PIK3C2G: variants seen among roughly 807,000 people sequenced by gnomAD.
PIK3C2G encodes the protein phosphatidylinositol 3-kinase C2 domain-containing subunit gamma.
Under a neutral mutation model 181.1 loss-of-function variants are expected in PIK3C2G, and 168 were observed. The ratio of observed to expected loss-of-function variants is 0.93; its 90% CI spans 0.82 to 1.05. PIK3C2G has a LOEUF of 1.05. PIK3C2G is among the 50% of genes least tolerant of loss of function. The pLI, the probability that PIK3C2G is intolerant of heterozygous loss-of-function variation, is 0.00. For missense variants in PIK3C2G, 1,869 were observed against 1,732.8 expected (o/e 1.08, Z -1.40); for synonymous variants, 573 against 592.2 (o/e 0.97, Z 0.47).
intron 25 of PIK3C2G, among the ~76,000 whole-genome samples, chr12:18,540,938 G>C (rs1188400937): frequency 6.6e-6 from 1 of 151,840 alleles, no homozygotes; most frequent in East Asian, 1.9e-4. Flanking sequence ...TGGGACTGTA[G>C]ATCATCAAAG....
chr12:18,597,970 T>C (rs530118792), intron 30 of PIK3C2G, among the ~76,000 whole-genome samples: 1 of 152,082 alleles, frequency 6.6e-6, no homozygotes. Context: ...CAAGGAGAAC[T>C]ACAAACCACT....
chr12:18,372,698 CTACT>C (rs1375791670), intron 13 of PIK3C2G: 1 of 152,210 alleles, frequency 6.6e-6, no homozygotes, highest in Non-Finnish European at 1.5e-5. Flanking sequence ...ATGTAACACA[CTACT>C]TGCACATATC....
intron 31 of PIK3C2G, among the ~76,000 whole-genome samples, chr12:18,638,318 G>A (rs1342136046): frequency 2.6e-5 from 4 of 152,314 alleles, no homozygotes; most frequent in South Asian, 4.1e-4. Context: ...CCTCTCAGAG[G>A]TTGGAGGTGA....
intron 13 of PIK3C2G, among the ~76,000 whole-genome samples, chr12:18,373,372 A>T (rs1942209147): frequency 6.6e-6 from 1 of 152,164 alleles, no homozygotes; most frequent in African/African-American, 2.4e-5. Flanking sequence ...TTTCCAACAC[A>T]TATATCAACT....
chr12:18,375,609 C>A (rs915978760), intron 13 of PIK3C2G, among the ~76,000 whole-genome samples: 3 of 152,204 alleles, frequency 2.0e-5, no homozygotes, highest in African/African-American at 7.2e-5. Context: ...GGACTTGGAG[C>A]AACCACTTCT....
At chr12:18,627,270 AG>A in intron 31 of PIK3C2G, among the ~76,000 whole-genome samples, 1 of 152,036 alleles carries the variant, frequency 6.6e-6, no homozygotes, top group South Asian at 2.1e-4. Context: ...ATTTTGTTCA[AG>A]TACTGTTTTC....
chr12:18,634,691 C>G (rs1447033480), intron 31 of PIK3C2G, among the ~76,000 whole-genome samples: 1 of 152,130 alleles, frequency 6.6e-6, no homozygotes, highest in Non-Finnish European at 1.5e-5. Flanking sequence ...TCAGGCAAAA[C>G]CTCCACCCCT....
At chr12:18,549,629 A>G (rs1944620357) in intron 26 of PIK3C2G, among the ~76,000 whole-genome samples, 1 of 152,070 alleles carries the variant, frequency 6.6e-6, no homozygotes, top group African/African-American at 2.4e-5. Flanking sequence ...TTCAGACCAC[A>G]GTCTTCTCAA....
At chr12:18,609,167 T>A (rs1948209461) in intron 30 of PIK3C2G, among the ~76,000 whole-genome samples, 1 of 152,116 alleles carries the variant, frequency 6.6e-6, no homozygotes, top group African/African-American at 2.4e-5. Context: ...CCAGGTTCAC[T>A]GATTTCTAAA....
chr12:18,282,163 A>C lies in PIK3C2G; in HGVS notation c.82A>C (p.Asn28His). 2 of 1,611,428 alleles carry C rather than the reference A, an allele frequency of 1.2e-6. No homozygotes were observed. Among genetic ancestry groups the C allele is most frequent in the Non-Finnish European group, 1.7e-6 (2 of 1,178,342 alleles). Residue 28 changes from asparagine to histidine, a missense_variant, in exon 2 of 33, where the codon AAT (asparagine) becomes CAT (histidine). Physicochemically the swap from Asn to His is moderately conservative, Grantham distance 68. Transcript: ENST00000538779. ...QYEHQEFLFV[N>H]QPHSSSQVSL... ...TGAACACCAAGAATTTCTCTTTGTAAATCAACCCCATTCTTCTAGCCAAGT... is the reference window on the plus strand; with the variant it reads ...TGAACACCAAGAATTTCTCTTTGTACATCAACCCCATTCTTCTAGCCAAGT...
At chr12:18,419,215 T>C (rs1945341040) in intron 16 of PIK3C2G, among the ~76,000 whole-genome samples, 1 of 152,158 alleles carries the variant, frequency 6.6e-6, no homozygotes, top group Admixed American at 6.6e-5. Flanking sequence ...TAGTTAAAGA[T>C]ATAGCATTCA....
At chr12:18,562,409 G>A (rs1025991895) in intron 26 of PIK3C2G, among the ~76,000 whole-genome samples, 1 of 152,206 alleles carries the variant, frequency 6.6e-6, no homozygotes, top group Non-Finnish European at 1.5e-5. Flanking sequence ...TGGGATTACA[G>A]GCGTGAGCCA....
chr12:18,713,926 T>A, the PIK3C2G span: 2 of 152,336 alleles, frequency 1.3e-5, no homozygotes, highest in African/African-American at 2.4e-5. Flanking sequence ...TCAGTGTTCA[T>A]ACTACAAGAG....
intron 8 of PIK3C2G, among the ~76,000 whole-genome samples, chr12:18,330,434 C>A (rs1937812190): frequency 6.6e-6 from 1 of 152,108 alleles, no homozygotes; most frequent in Admixed American, 6.6e-5. Context: ...TCTTGTGGTT[C>A]TGCATCCTCA....
chr12:18,296,473 G>A (rs1949947680), intron 5 of PIK3C2G, among the ~76,000 whole-genome samples: 1 of 151,954 alleles, frequency 6.6e-6, no homozygotes, highest in Non-Finnish European at 1.5e-5. Context: ...TAAGAACTTA[G>A]ACTCTCCAAA....
the PIK3C2G span, chr12:18,694,807 T>C: frequency 1.0e-6 from 1 of 957,812 alleles, no homozygotes; most frequent in South Asian, 1.7e-5. Context: ...TTAACAGAAA[T>C]TTAAAAGAAA....
At chr12:18,672,516 G>C in the PIK3C2G span, among the ~76,000 whole-genome samples, 1 of 152,036 alleles carries the variant, frequency 6.6e-6, no homozygotes, top group Admixed American at 6.6e-5. Context: ...AATTTGTGTT[G>C]TTTAATATAC....
chr12:18,561,655 C>T (rs1334571872), intron 26 of PIK3C2G, among the ~76,000 whole-genome samples: 1 of 151,318 alleles, frequency 6.6e-6, no homozygotes, highest in East Asian at 1.9e-4. Context: ...ATATTGCTCT[C>T]AACAGAGAAT....
chr12:18,713,192 A>G, the PIK3C2G span, among the ~76,000 whole-genome samples: 1 of 152,126 alleles, frequency 6.6e-6, no homozygotes, highest in Non-Finnish European at 1.5e-5. Flanking sequence ...TGTGTAGTAC[A>G]ATACTGTGTC....
Sources: allele counts gnomAD v4.1 joint callset (sites outside exome capture counted in the v4.1 genomes callset), GRCh38; gene constraint gnomAD v4.1.1; transcripts MANE v1.5; gene names NCBI Gene and HGNC (gene_info 2026-07-23, HGNC 2026-07-21).